FNDC3A: variants seen among roughly 807,000 people sequenced by gnomAD.
FNDC3A encodes fibronectin type III domain containing 3A, also known as fibronectin type-III domain-containing protein 3A.
FNDC3A carries 32 observed loss-of-function variants against 148.9 expected under a neutral mutation model. The observed-to-expected ratio is 0.21, with a 90% CI of 0.16 to 0.29. FNDC3A has a LOEUF of 0.29. Ranked by LOEUF, FNDC3A falls within the 10% of genes least tolerant of loss-of-function variation. The probability of loss-of-function intolerance (pLI) is 1.00; values close to 1 mark genes in which losing one functional copy is unlikely to be tolerated. For synonymous variants in FNDC3A, 472 were observed against 473.6 expected, an observed-to-expected ratio of 1.00 and a Z score of 0.04; for missense variants, 1,191 against 1,452.8, an observed-to-expected ratio of 0.82 and a Z score of 2.93.
intron 4 of FNDC3A, among the ~76,000 whole-genome samples, chr13:49,128,774 C>T (rs1475218324): frequency 1.3e-5 from 2 of 152,224 alleles, no homozygotes; most frequent in Non-Finnish European, 2.9e-5. Flanking sequence ...AGCTTCCTTT[C>T]ATCCCTTGGG....
intron 1 of FNDC3A, among the ~76,000 whole-genome samples, chr13:48,988,822 G>T (rs1057476698): frequency 6.6e-6 from 1 of 150,914 alleles, no homozygotes. Flanking sequence ...TCCAGCCTGG[G>T]TGAGAGAGTG....
intron 8 of FNDC3A, among the ~76,000 whole-genome samples, chr13:49,153,277 G>A (rs1322833723): frequency 6.6e-6 from 1 of 152,076 alleles, no homozygotes; most frequent in Non-Finnish European, 1.5e-5. Context: ...CAGTGATGAT[G>A]AGCATTTTTT....
rs141675748 is a variant in FNDC3A, at chr13:49,010,830, A to G, written c.99+4541A>G. 2.1e-3 allele frequency among the ~76,000 whole-genome samples: 315 copies of G among 152,290 alleles called. 3 individuals carry two copies. Among genetic ancestry groups the G allele is most frequent in the African/African-American group, 7.1e-3 (296 of 41,548 alleles). On this transcript the variant is annotated intron_variant, in intron 2 of 25. Coordinates refer to ENST00000492622, the MANE Select transcript of FNDC3A (RefSeq NM_001079673.2). ...CTGACTTTTCTCTGTAGTTTTATCTATATATACTTCACTATACAACAATAC... is the reference window on the plus strand; with the variant it reads ...CTGACTTTTCTCTGTAGTTTTATCTGTATATACTTCACTATACAACAATAC...
At chr13:49,155,143 G>C (rs574230392) in intron 8 of FNDC3A, among the ~76,000 whole-genome samples, 1 of 150,130 alleles carries the variant, frequency 6.7e-6, no homozygotes, top group African/African-American at 2.5e-5. Flanking sequence ...GAATCCATCT[G>C]GTCCTGGACT....
rs185653380 is a variant in FNDC3A at position 49,101,804 on chromosome 13, T to G, written c.176-12851T>G. Among the ~76,000 whole-genome samples, 697 of 151,282 alleles carry G rather than the reference T, an allele frequency of 4.6e-3. 5 individuals carry two copies. The highest frequency in any genetic ancestry group is 0.016 in the African/African-American group (668 of 41,266). On this transcript the variant is annotated intron_variant, in intron 3 of 25. Transcript: ENST00000492622. ...ACTATACCTGCTTTAGTTTTTTTTT[T>G]TTTTTTTTTTTTAAGCCAAATCATT...
chr13:49,064,401 GCCC>G (rs58870053), intron 2 of FNDC3A, among the ~76,000 whole-genome samples: 2 of 60,810 alleles, frequency 3.3e-5, no homozygotes, highest in East Asian at 9.8e-4. Context: ...ATTGCCCCCC[GCCC>G]CCCCCCCAAA....
intron 8 of FNDC3A, among the ~76,000 whole-genome samples, chr13:49,161,743 T>A (rs1318500500): frequency 2.6e-5 from 4 of 152,214 alleles, no homozygotes; most frequent in African/African-American, 9.6e-5. Context: ...TGGCTGGTAC[T>A]GATGGTTCCT....
At chr13:49,151,719 TC>T (rs1253050160) in intron 8 of FNDC3A, among the ~76,000 whole-genome samples, 1 of 152,040 alleles carries the variant, frequency 6.6e-6, no homozygotes, top group Non-Finnish European at 1.5e-5. Context: ...ATGCCATCCC[TC>T]CCCCATCCCC....
intron 2 of FNDC3A, among the ~76,000 whole-genome samples, chr13:49,071,462 C>A (rs1235493196): frequency 6.6e-6 from 1 of 152,066 alleles, no homozygotes; most frequent in Non-Finnish European, 1.5e-5. Context: ...TACTGTTTTC[C>A]CTAATGGCTA....
chr13:49,078,444 A>G (rs1244176901), intron 3 of FNDC3A, among the ~76,000 whole-genome samples: 2 of 152,246 alleles, frequency 1.3e-5, no homozygotes, highest in Non-Finnish European at 2.9e-5. Flanking sequence ...TCCTTTCTCT[A>G]TATGACAGAT....
intron 3 of FNDC3A, among the ~76,000 whole-genome samples, chr13:49,089,342 G>C (rs1357387999): frequency 6.6e-6 from 1 of 152,172 alleles, no homozygotes. Context: ...GCCTTCTCTT[G>C]TACATAACCT....
chr13:49,096,337 A>G (rs544631581), intron 3 of FNDC3A, among the ~76,000 whole-genome samples: 1 of 152,244 alleles, frequency 6.6e-6, no homozygotes, highest in African/African-American at 2.4e-5. Context: ...AACCCATGTG[A>G]TACCATTGTT....
At chr13:49,003,031 AC>A in intron 1 of FNDC3A, among the ~76,000 whole-genome samples, 1 of 152,210 alleles carries the variant, frequency 6.6e-6, no homozygotes, top group African/African-American at 2.4e-5. Context: ...TAACTTCATT[AC>A]CACTTGATAT....
intron 2 of FNDC3A, among the ~76,000 whole-genome samples, chr13:49,064,338 C>T (rs571167053): frequency 6.7e-6 from 1 of 149,206 alleles, no homozygotes; most frequent in South Asian, 2.2e-4. Flanking sequence ...AAGACTCCGT[C>T]TCAAAAAAAA....
At position 49,209,082 on chromosome 13, in the gene FNDC3A, C is replaced by A. The variant is rs1202988347; in HGVS notation, c.*1687C>A. The A allele has an allele frequency of 6.6e-6, 1 of 152,558 alleles. No homozygotes were observed. The highest frequency in any genetic ancestry group is 1.5e-5 in the Non-Finnish European group (1 of 68,024). 9.5% of individuals were successfully genotyped at this position (152,558 alleles called of 1,614,324 possible). On this transcript the variant is annotated 3_prime_UTR_variant, in exon 26 of 26. Coordinates refer to ENST00000492622, the MANE Select transcript of FNDC3A (RefSeq NM_001079673.2). ...TGTTTACATTTTATTTAAATTTAAT[C>A]TCTTATGTATAGGGTGATAACCTTC...
intron 2 of FNDC3A, among the ~76,000 whole-genome samples, chr13:49,019,609 G>A (rs9526516): frequency 0.016 from 2,510 of 152,234 alleles, 30 homozygotes; most frequent in Middle Eastern, 0.037. Flanking sequence ...GTTCCTATTC[G>A]GCCATCTTGG....
At chr13:49,103,275 A>G (rs534916202) in intron 3 of FNDC3A, among the ~76,000 whole-genome samples, 1 of 152,358 alleles carries the variant, frequency 6.6e-6, no homozygotes, top group African/African-American at 2.4e-5. Context: ...ATAACAAATT[A>G]TAATAAAATG....
intron 3 of FNDC3A, among the ~76,000 whole-genome samples, chr13:49,081,210 A>G (rs946773735): frequency 1.1e-4 from 17 of 152,170 alleles, no homozygotes; most frequent in Admixed American, 5.9e-4. Flanking sequence ...TTTATTAACT[A>G]TCTAGGGGTT....
At chr13:49,119,877 A>G (rs1465109905) in intron 4 of FNDC3A, among the ~76,000 whole-genome samples, 19 of 152,178 alleles carry the variant, frequency 1.2e-4, no homozygotes. Flanking sequence ...GTATACCTGA[A>G]AGTGATGGGG....
Sources: allele counts gnomAD v4.1 joint callset (sites outside exome capture counted in the v4.1 genomes callset), GRCh38; gene constraint gnomAD v4.1.1; transcripts MANE v1.5; gene names NCBI Gene and HGNC (gene_info 2026-07-23, HGNC 2026-07-21).